Variants in CHKB observed in about 807,000 individuals in gnomAD.
CHKB encodes choline/ethanolamine kinase.
CHKB carries 45 observed loss-of-function variants against 57.3 expected under a neutral mutation model. The observed-to-expected ratio is 0.79, with a 90% CI of 0.62 to 1.01. The LOEUF (loss-of-function observed/expected upper bound fraction) is 1.01. Among genes scored for constraint, CHKB ranks in the 50% least tolerant of loss-of-function variants. The probability of loss-of-function intolerance (pLI) is 0.00; values close to 1 mark genes in which losing one functional copy is unlikely to be tolerated. For missense variants in CHKB, 517 were observed against 502.8 expected, an observed-to-expected ratio of 1.03 and a Z score of -0.27; for synonymous variants, 224 against 201.8, an observed-to-expected ratio of 1.11 and a Z score of -0.93.
rs2070664474 is a variant in CHKB, at chr22:50,580,432, A to G, written c.678-16T>C. The G allele has an allele frequency of 1.2e-6, 2 of 1,613,906 alleles. No individual in the cohort carries two copies. Among genetic ancestry groups the G allele is most frequent in the African/African-American group, 1.3e-5 (1 of 74,998 alleles). On this transcript the variant is annotated splice_polypyrimidine_tract_variant and intron_variant, in intron 5 of 10. Transcript: ENST00000406938. ...TAGTAACTTCCTACAGGGGTATGGGAGCATGGGTCCTGAGCAGGAGTGACT... is the reference window on the plus strand; with the variant it reads ...TAGTAACTTCCTACAGGGGTATGGGGGCATGGGTCCTGAGCAGGAGTGACT...
chr22:50,580,261 C>G lies in CHKB; in HGVS notation c.747G>C (p.Leu249Phe). ...CHNDIQEGNI[L>F]LLSEPENADS... ...CAGCATTTTCTGGCTCTGAGAGCAG[C>G]AAGATGTTCCCTGGGGGAATGGGGT... Residue 249 changes from leucine (L) to phenylalanine (F), a missense_variant, in exon 7 of 11, where the codon TTG becomes TTC. Coordinates refer to ENST00000406938, the MANE Select transcript of CHKB (RefSeq NM_005198.5). 1 of 1,614,036 alleles carries G rather than the reference C, an allele frequency of 6.2e-7. No individual in the cohort carries two copies. The highest frequency in any genetic ancestry group is 1.7e-4 in the Middle Eastern group (1 of 6,044).
rs917349763 is a variant in CHKB, at chr22:50,581,752, G to A, written c.444C>T (p.Ile148=). The A allele has an allele frequency of 1.9e-6, 3 of 1,612,896 alleles. No individual in the cohort carries two copies. In the Admixed American group the frequency reaches 5.0e-5, roughly 27 times the overall value. Residue 148 remains isoleucine (I), a synonymous_variant, in exon 3 of 11, where the codon ATC becomes ATT. Transcript: ENST00000406938. ...VFPEGRLEQY[I]PSRPLKTQEL... ...GAGGGTAGGACTGGGCCCGTACTGGGATGTACTGTTCCAGCCGGCCCTCTG... is the reference window on the plus strand; with the variant it reads ...GAGGGTAGGACTGGGCCCGTACTGGAATGTACTGTTCCAGCCGGCCCTCTG...
chr22:50,582,183 C>T (rs2070706378), intron 2 of CHKB, 66 bp downstream of exon 2: 1 of 1,392,678 alleles, frequency 7.2e-7, no homozygotes, highest in Non-Finnish European at 9.9e-7. Flanking sequence ...GGGAACAATA[C>T]TACCCGCATC....
In CHKB at chr22:50,580,025, T is replaced by C; in HGVS notation, c.876A>G (p.Glu292=). 6.2e-7 allele frequency: 1 copy of C among 1,614,118 alleles called. No homozygotes were observed. ...CEWVYDYTHE[E]WPFYKARPTD... is the part of the protein sequence containing the mutation. ...TGGGCCTTGCTTTGTAGAAAGGCCA[T>C]TCCTCGTGAGTATAATCATAAACCC... Residue 292 remains glutamate, a synonymous_variant, in exon 8 of 11, where the codon GAA becomes GAG. Coordinates refer to ENST00000406938, the MANE Select transcript of CHKB (RefSeq NM_005198.5).
rs993005402 is a variant in CHKB at position 50,580,662 on chromosome 22, T to C, written c.582-2A>G. ...AGGTCCTGGATCTGTTTTAGGTACC[T>C]GAAGCCCAAAGAATAGGATACACTG... On this transcript the variant is annotated splice_acceptor_variant, in intron 4 of 10. Transcript: ENST00000406938. LOFTEE classifies it high-confidence loss of function. 6.2e-7 allele frequency: 1 copy of C among 1,613,868 alleles called. No individual in the cohort carries two copies. The highest frequency in any genetic ancestry group is 8.5e-7 in the Non-Finnish European group (1 of 1,179,922).
chr22:50,581,714 G>T (rs1416038769), intron 3 of CHKB, 35 bp downstream of exon 3: 5 of 1,595,804 alleles, frequency 3.1e-6, no homozygotes, highest in Non-Finnish European at 4.3e-6. Context: ...GGGTGGAGGT[G>T]CCTTGGGGAG....
At chr22:50,581,704 G>A (rs549595714) in intron 3 of CHKB, 45 bp downstream of exon 3, 1 of 1,586,466 alleles carries the variant, frequency 6.3e-7, no homozygotes, top group Non-Finnish European at 8.7e-7. Context: ...TAGGGTTAGG[G>A]GGTGGAGGTG....
chr22:50,582,366 C>G lies in CHKB; in HGVS notation c.225-9G>C. ...GGTTGCTGAGGCCTCCGCTGCAGAC[C>G]CACACCAGGCGCGCTCAGCCCGCGG... On this transcript the variant is annotated splice_polypyrimidine_tract_variant and intron_variant, in intron 1 of 10. Transcript: ENST00000406938. The G allele has an allele frequency of 3.9e-6, 6 of 1,545,924 alleles. No homozygotes were observed. The highest frequency in any genetic ancestry group is 5.2e-6 in the Non-Finnish European group (6 of 1,146,740).
Position 50,582,291 on chromosome 22 carries a change from C to A in CHKB, c.291G>T (p.Glu97Asp), listed in dbSNP as rs757428570. Residue 97 changes from glutamate to aspartate, a missense_variant, in exon 2 of 11, where the codon GAG becomes GAT. Glu to Asp is a conservative substitution (Grantham distance 45). Transcript: ENST00000406938. ...LPDHLPSVGE[E>D]PREVLLRLYG... ...ACAGCCGCAGAAGCACCTCCCGGGG[C>A]TCCTCGCCAACGCTGGGCAGGTGGT... The A allele has an allele frequency of 4.2e-5, 67 of 1,594,652 alleles. No individual in the cohort carries two copies. The highest frequency in any genetic ancestry group is 5.6e-5 in the Non-Finnish European group (66 of 1,173,010).
In CHKB at chr22:50,580,053, T is replaced by A; in HGVS notation, c.848A>T (p.Glu283Val). The change falls in exon 8 of 11, where the codon GAG (glutamate) becomes GTG (valine). Residue 283 changes from glutamate to valine, a missense_variant. Transcript: ENST00000406938. ...CTCGTGAGTATAATCATAAACCCAC[T>A]CACAAAAATGGTTCCCAATGTCAAA... ...RGFDIGNHFCEWVYDYTHEEW... is the reference protein window; with the variant it reads ...RGFDIGNHFCVWVYDYTHEEW... 6.2e-7 allele frequency: 1 copy of A among 1,613,892 alleles called. No individual in the cohort carries two copies. Among genetic ancestry groups the A allele is most frequent in the South Asian group, 1.1e-5 (1 of 91,078 alleles).
In CHKB at chr22:50,582,583, C is replaced by A; in HGVS notation, c.199G>T (p.Glu67Ter). 3 of 1,610,180 alleles carry A rather than the reference C, an allele frequency of 1.9e-6. No homozygotes were observed. Among genetic ancestry groups the A allele is most frequent in the Non-Finnish European group, 2.5e-6 (3 of 1,178,838 alleles). Residue 67 changes from glutamate to a stop codon, truncating the protein, a stop_gained, in exon 1 of 11, where the codon GAG becomes TAG. Coordinates refer to ENST00000406938, the MANE Select transcript of CHKB (RefSeq NM_005198.5). LOFTEE classifies it high-confidence loss of function. ...LGGAWRRVQP[E>*]ELRVYPVSGG... The stretch of plus-strand genomic sequence containing the variant: ...CTCACGGGGTAAACCCTCAGCTCCT[C>A]GGGCTGCACTCGGCGCCAGGCCCCG...
chr22:50,579,281 A>G (rs1234620647), intron 10 of CHKB, 26 bp from the exon 11 acceptor site: 1 of 1,610,790 alleles, frequency 6.2e-7, no homozygotes, highest in South Asian at 1.1e-5. Context: ...CACCCCACAC[A>G]GTGGTGAGAA....
Position 50,582,722 on chromosome 22 carries a change from T to C in CHKB, c.60A>G (p.Lys20=). The change falls in exon 1 of 11, where the codon AAA becomes AAG. Residue 20 remains lysine (K), a synonymous_variant. Transcript: ENST00000406938. The part of the protein sequence containing the change: ...GSGAVGGCLA[K]DGLQQSKCPD... ...GGCACTTAGACTGCTGCAAGCCGTCTTTGGCCAGGCAGCCGCCAACAGCCC... is the reference window on the plus strand; with the variant it reads ...GGCACTTAGACTGCTGCAAGCCGTCCTTGGCCAGGCAGCCGCCAACAGCCC... 1.2e-6 allele frequency: 2 copies of C among 1,606,540 alleles called. No individual in the cohort carries two copies. Among genetic ancestry groups the C allele is most frequent in the Non-Finnish European group, 8.5e-7 (1 of 1,177,642 alleles).
Position 50,581,525 on chromosome 22 carries a change from C to G in CHKB, c.476G>C (p.Arg159Pro), listed in dbSNP as rs760539135. The change falls in exon 4 of 11, where the codon CGA becomes CCA. Residue 159 changes from arginine to proline, a missense_variant. Transcript: ENST00000406938. The stretch of plus-strand genomic sequence containing the variant: ...AATGGCTGCTGACAACACTGGCTCT[C>G]GAAGCTCTTGAGTTTTCAATGGCCG... ...PSRPLKTQEL[R>P]EPVLSAAIAT... 1.2e-6 allele frequency: 2 copies of G among 1,613,862 alleles called. No homozygotes were observed. The highest frequency in any genetic ancestry group is 1.3e-5 in the African/African-American group (1 of 74,996).
At position 50,579,197 on chromosome 22, in the gene CHKB, A is replaced by T; in HGVS notation, c.1172T>A (p.Val391Asp). 6.2e-7 allele frequency: 1 copy of T among 1,613,726 alleles called. No homozygotes were observed. Among genetic ancestry groups the T allele is most frequent in the Non-Finnish European group, 8.5e-7 (1 of 1,179,846 alleles). ...AGGGTGGAGTCAGGATGAGGAGTGG[A>T]CACTGGTCAGCTGCCCCTTCTGCTG... The part of the protein sequence containing the change: ...YFQQKGQLTS[V>D]HSSS The change falls in exon 11 of 11, where the codon GTC becomes GAC. Residue 391 changes from valine to aspartate, a missense_variant. Val to Asp is a radical substitution (Grantham distance 152, BLOSUM62 -3). Coordinates refer to ENST00000406938, the MANE Select transcript of CHKB (RefSeq NM_005198.5).
intron 10 of CHKB, 45 bp downstream of exon 10, chr22:50,579,381 C>A (rs772756248): frequency 1.3e-6 from 2 of 1,593,908 alleles, no homozygotes; most frequent in Admixed American, 3.5e-5. Context: ...GCTGCTGCTG[C>A]TCCCCAGCCC....
intron 2 of CHKB, 139 bp downstream of exon 2, chr22:50,582,110 C>G: frequency 4.5e-6 from 4 of 881,566 alleles, no homozygotes; most frequent in Non-Finnish European, 7.3e-6. Flanking sequence ...GAATACAGGC[C>G]CAGGCTTCGG....
In CHKB at chr22:50,580,729, G is replaced by A. The variant is rs1256456276; in HGVS notation, c.582-69C>T. 3 of 1,374,296 alleles carry A rather than the reference G, an allele frequency of 2.2e-6. No individual in the cohort carries two copies. In the African/African-American group the frequency reaches 4.3e-5, roughly 20 times the overall value. 85.1% of individuals were successfully genotyped at this position (1,374,296 alleles called of 1,614,324 possible). ...CCACCCCTCGCCTATCTACCCCTCA[G>A]GCCAGACTACTGCACCCCTGCTCCT... On this transcript the variant is annotated intron_variant, in intron 4 of 10. Transcript: ENST00000406938.
Position 50,582,322 on chromosome 22 carries a change from A to G in CHKB, c.260T>C (p.Leu87Pro), listed in dbSNP as rs1177999891. 1.3e-5 allele frequency: 20 copies of G among 1,579,992 alleles called. No homozygotes were observed. Among genetic ancestry groups the G allele is most frequent in the Admixed American group, 1.8e-5 (1 of 55,142 alleles). The change falls in exon 2 of 11, where the codon CTC (leucine) becomes CCC (proline). Residue 87 changes from leucine to proline, a missense_variant. Coordinates refer to ENST00000406938, the MANE Select transcript of CHKB (RefSeq NM_005198.5). ...GCCAACGCTGGGCAGGTGGTCCGGGAGCGAGCAGCGGAAGAGCAGGTTGCT... is the reference window on the plus strand; with the variant it reads ...GCCAACGCTGGGCAGGTGGTCCGGGGGCGAGCAGCGGAAGAGCAGGTTGCT... Reference protein sequence around the residue: ...GLSNLLFRCSLPDHLPSVGEE... With the variant: ...GLSNLLFRCSPPDHLPSVGEE...
Sources: allele counts gnomAD v4.1 joint callset, GRCh38; gene constraint gnomAD v4.1.1; transcripts MANE v1.5; gene names NCBI Gene and HGNC (gene_info 2026-07-23, HGNC 2026-07-21).